CLSTN1: variants seen among roughly 807,000 people sequenced by gnomAD.
The protein encoded by CLSTN1 is calsyntenin-1.
In CLSTN1, 28 loss-of-function variants were observed where a neutral mutation model predicts 108.3. The ratio of observed to expected loss-of-function variants is 0.26; its 90% CI spans 0.19 to 0.35. The LOEUF is 0.35. CLSTN1 is among the 10% of genes least tolerant of loss of function. CLSTN1 has a pLI of 1.00. For missense variants in CLSTN1, 1,157 were observed against 1,302.6 expected (o/e 0.89, Z 1.72); for synonymous variants, 524 against 534.9 (o/e 0.98, Z 0.28).
At chr1:9,811,207 G>C (rs987889759) in intron 1 of CLSTN1, among the ~76,000 whole-genome samples, 14 of 152,158 alleles carry the variant, frequency 9.2e-5, no homozygotes, top group African/African-American at 3.4e-4. Flanking sequence ...GAGGGGAAAG[G>C]CTATGTTATG....
Position 9,755,237 on chromosome 1 carries a change from C to G in CLSTN1, c.317G>C (p.Gly106Ala). Residue 106 changes from glycine to alanine, a missense_variant, in exon 4 of 19, where the codon GGT (glycine) becomes GCT (alanine). Gly to Ala is a moderately conservative substitution (Grantham distance 60). Transcript: ENST00000377298. Reference protein sequence around the residue: ...FDAVVVDKSTGEGVIRSKEKL... With the variant: ...FDAVVVDKSTAEGVIRSKEKL... ...CTCTTTGGAGCGAATGACTCCCTCA[C>G]CAGTGGATTTATCCACTACCACTGC... 1 of 1,613,966 alleles carries G rather than the reference C, an allele frequency of 6.2e-7. No homozygotes were observed. The highest frequency in any genetic ancestry group is 8.5e-7 in the Non-Finnish European group (1 of 1,179,872).
chr1:9,731,415 T>C (rs1650384574), intron 17 of CLSTN1, 25 bp from the exon 18 acceptor site: 6 of 1,610,718 alleles, frequency 3.7e-6, no homozygotes, highest in Non-Finnish European at 5.1e-6. Flanking sequence ...GGGGGCGGGA[T>C]GCGAGGTCAC....
At chr1:9,815,539 A>T (rs1280436761) in intron 1 of CLSTN1, among the ~76,000 whole-genome samples, 1 of 152,224 alleles carries the variant, frequency 6.6e-6, no homozygotes, top group Non-Finnish European at 1.5e-5. Flanking sequence ...AAACTGTGAA[A>T]TGTGTATTTG....
intron 1 of CLSTN1, among the ~76,000 whole-genome samples, chr1:9,783,478 G>A (rs1206241063): frequency 3.3e-5 from 5 of 152,136 alleles, no homozygotes; most frequent in Admixed American, 2.0e-4. Context: ...CCAACACTTC[G>A]GGAGGCCAAG....
At chr1:9,733,020 G>A (rs929230766) in intron 16 of CLSTN1, among the ~76,000 whole-genome samples, 3 of 152,066 alleles carry the variant, frequency 2.0e-5, no homozygotes, top group Admixed American at 2.0e-4. Flanking sequence ...GTGAGACCTC[G>A]TCTCTAAAAA....
At chr1:9,804,133 C>T (rs1469926813) in intron 1 of CLSTN1, among the ~76,000 whole-genome samples, 4 of 151,836 alleles carry the variant, frequency 2.6e-5, no homozygotes, top group Non-Finnish European at 2.9e-5. Flanking sequence ...GAGGCTGAGG[C>T]GGGCGGATCA....
chr1:9,802,818 CTTAGAT>C (rs1654338206), intron 1 of CLSTN1, among the ~76,000 whole-genome samples: 1 of 132,010 alleles, frequency 7.6e-6, no homozygotes. Flanking sequence ...AGCTGATTTT[CTTAGAT>C]TTTTTTTTTT....
chr1:9,769,192 A>T (rs949086218), intron 2 of CLSTN1, among the ~76,000 whole-genome samples: 1 of 151,466 alleles, frequency 6.6e-6, no homozygotes, highest in Non-Finnish European at 1.5e-5. Context: ...AAGGAGGGAT[A>T]CGGCTGCAGG....
intron 5 of CLSTN1, chr1:9,750,214 A>C (rs1436122347): frequency 1.9e-5 from 4 of 213,558 alleles, no homozygotes; most frequent in Non-Finnish European, 3.8e-5. Context: ...TCAGAGGATT[A>C]AAAAATAATA....
At position 9,760,173 on chromosome 1, in the gene CLSTN1, T is replaced by C. The variant is rs142012854; in HGVS notation, c.215-3663A>G. On this transcript the variant is annotated intron_variant, in intron 2 of 18. Transcript: ENST00000377298. ...ATAATCAATATTCTGAGTATTGACA[T>C]TGGCTACTTTAATGAGTTCCACCAA... Among the ~76,000 whole-genome samples, 921 of 152,252 alleles carry C rather than the reference T, an allele frequency of 6.0e-3. 16 individuals carry two copies. Among genetic ancestry groups the C allele is most frequent in the Non-Finnish European group, 3.8e-3 (261 of 68,016 alleles).
intron 3 of CLSTN1, among the ~76,000 whole-genome samples, chr1:9,755,822 A>C (rs1026281208): frequency 6.6e-6 from 1 of 152,194 alleles, no homozygotes; most frequent in African/African-American, 2.4e-5. Context: ...AAAGGAAACA[A>C]GTCTTCCTGT....
chr1:9,806,596 G>C (rs1382399618), intron 1 of CLSTN1, among the ~76,000 whole-genome samples: 1 of 151,944 alleles, frequency 6.6e-6, no homozygotes, highest in East Asian at 1.9e-4. Flanking sequence ...AAATAGACAC[G>C]AGGCCGGGCG....
At chr1:9,779,642 G>A in intron 1 of CLSTN1, among the ~76,000 whole-genome samples, 1 of 152,120 alleles carries the variant, frequency 6.6e-6, no homozygotes, top group Non-Finnish European at 1.5e-5. Context: ...GCCCACGCTG[G>A]TGTCAAACTC....
intron 1 of CLSTN1, among the ~76,000 whole-genome samples, chr1:9,773,902 T>A (rs953415574): frequency 5.9e-4 from 89 of 150,588 alleles, no homozygotes; most frequent in Admixed American, 2.8e-3. Flanking sequence ...TTGACTTATT[T>A]TTTTTTTTTT....
At chr1:9,764,597 G>A (rs1652234304) in intron 2 of CLSTN1, among the ~76,000 whole-genome samples, 1 of 144,518 alleles carries the variant, frequency 6.9e-6, no homozygotes, top group Admixed American at 7.2e-5. Flanking sequence ...AGATCCCGCT[G>A]CTGCATTCCA....
At chr1:9,741,321 G>A (rs1343983223) in intron 9 of CLSTN1, 65 bp from the exon 10 acceptor site, 1 of 1,490,272 alleles carries the variant, frequency 6.7e-7, no homozygotes, top group East Asian at 2.3e-5. Context: ...AATGCCCATG[G>A]AAACCAAGTC....
At chr1:9,808,529 A>G (rs376170087) in intron 1 of CLSTN1, among the ~76,000 whole-genome samples, 110 of 152,280 alleles carry the variant, frequency 7.2e-4, no homozygotes, top group African/African-American at 2.6e-3. Context: ...CCAAATCAGA[A>G]ATGGCTTAGG....
chr1:9,816,741 G>T (rs1372189955), intron 1 of CLSTN1, among the ~76,000 whole-genome samples: 2 of 152,082 alleles, frequency 1.3e-5, no homozygotes, highest in African/African-American at 4.8e-5. Context: ...CCGCCCCCTG[G>T]GTTCAAGCAA....
chr1:9,803,537 T>C (rs939830298), intron 1 of CLSTN1, among the ~76,000 whole-genome samples: 1 of 152,228 alleles, frequency 6.6e-6, no homozygotes, highest in African/African-American at 2.4e-5. Flanking sequence ...GCGCAGTGGC[T>C]CACGCCTGCA....
Sources: allele counts gnomAD v4.1 joint callset (sites outside exome capture counted in the v4.1 genomes callset), GRCh38; gene constraint gnomAD v4.1.1; transcripts MANE v1.5; gene names NCBI Gene and HGNC (gene_info 2026-07-23, HGNC 2026-07-21).